MCM9: variants seen among roughly 807,000 people sequenced by gnomAD.
MCM9 encodes the protein DNA helicase MCM9.
In MCM9, 55 loss-of-function variants were observed where a neutral mutation model predicts 72.8. The ratio of observed to expected loss-of-function variants is 0.76; its 90% CI spans 0.61 to 0.95. The LOEUF (loss-of-function observed/expected upper bound fraction) is 0.95, where lower values mean the gene tolerates loss of function less well. Ranked by LOEUF, MCM9 falls within the 40% of genes least tolerant of loss-of-function variation. MCM9 has a pLI of 0.00. For missense variants in MCM9, 1,279 were observed against 1,377.0 expected, an observed-to-expected ratio of 0.93 and a Z score of 1.13; for synonymous variants, 480 against 503.4, an observed-to-expected ratio of 0.95 and a Z score of 0.62.
At chr6:118,903,086 A>C (rs566755265) in intron 8 of MCM9, among the ~76,000 whole-genome samples, 1 of 152,242 alleles carries the variant, frequency 6.6e-6, no homozygotes, top group African/African-American at 2.4e-5. Context: ...AATGCTTTTT[A>C]AAAGATGTTT....
At chr6:118,913,826 C>G (rs1780733968) in intron 6 of MCM9, among the ~76,000 whole-genome samples, 1 of 152,072 alleles carries the variant, frequency 6.6e-6, no homozygotes, top group South Asian at 2.1e-4. Context: ...TGGTCTCACT[C>G]CTGGGCTCAA....
intron 8 of MCM9, among the ~76,000 whole-genome samples, chr6:118,870,625 A>G (rs1777540356): frequency 6.6e-6 from 1 of 152,170 alleles, no homozygotes; most frequent in African/African-American, 2.4e-5. Flanking sequence ...AAGGAAGAGA[A>G]TAACAAATAT....
chr6:118,841,603 A>T (rs1183520403), intron 9 of MCM9, among the ~76,000 whole-genome samples: 1 of 152,222 alleles, frequency 6.6e-6, no homozygotes, highest in Non-Finnish European at 1.5e-5. Context: ...GTAGGCTTGC[A>T]CCAGAAAACT....
At chr6:118,918,009 T>C (rs1245756447) in intron 5 of MCM9, 3 of 511,466 alleles carry the variant, frequency 5.9e-6, no homozygotes, top group Non-Finnish European at 1.0e-5. Context: ...ACCTGCTACA[T>C]GATAATCCTA....
chr6:118,931,620 T>C lies in MCM9; in HGVS notation c.104A>G (p.Asp35Gly), dbSNP rs775655643. ...ATTAACCACAACTGGGTAATGAGCA[T>C]CTTCATCCCTTTCCTTCAAGATTAG... The part of the protein sequence containing the change: ...ILLILKERDE[D>G]AHYPVVVNAM... The change falls in exon 3 of 14, where the codon GAT becomes GGT. Residue 35 changes from aspartate to glycine, a missense_variant. Asp to Gly is a moderately conservative substitution (Grantham distance 94). Coordinates refer to ENST00000619706, the MANE Select transcript of MCM9 (RefSeq NM_017696.3). 6.2e-6 allele frequency: 10 copies of C among 1,614,056 alleles called. No homozygotes were observed. The South Asian group carries it at 1.1e-4, about 18-fold the overall frequency.
At chr6:118,923,755 C>T in intron 4 of MCM9, 56 bp downstream of exon 4, 1 of 1,461,220 alleles carries the variant, frequency 6.8e-7, no homozygotes, top group Non-Finnish European at 9.4e-7. Flanking sequence ...CCCAATGTGC[C>T]CATAGCTGAA....
chr6:118,931,828 G>T (rs563773047), intron 2 of MCM9, 90 bp from the exon 3 acceptor site: 3 of 960,856 alleles, frequency 3.1e-6, no homozygotes, highest in South Asian at 3.6e-5. Context: ...AATCACACTG[G>T]CTTTGGGTCA....
chr6:118,926,805 C>T (rs1352293721), intron 3 of MCM9, among the ~76,000 whole-genome samples: 2 of 152,156 alleles, frequency 1.3e-5, no homozygotes, highest in East Asian at 3.8e-4. Context: ...AGGAGTAGAA[C>T]TGCTGGGTCA....
chr6:118,923,768 A>T, intron 4 of MCM9, 43 bp downstream of exon 4: 28 of 1,534,070 alleles, frequency 1.8e-5, no homozygotes, highest in Non-Finnish European at 2.2e-5. Context: ...TAGCTGAAAA[A>T]CACTTCTTCA....
intron 9 of MCM9, among the ~76,000 whole-genome samples, chr6:118,855,094 A>C (rs1472324008): frequency 6.6e-6 from 1 of 152,186 alleles, no homozygotes; most frequent in Non-Finnish European, 1.5e-5. Flanking sequence ...CTTTTGGTGC[A>C]ATAACTGAAC....
chr6:118,883,609 A>C (rs1022505727), intron 8 of MCM9, among the ~76,000 whole-genome samples: 3 of 152,148 alleles, frequency 2.0e-5, no homozygotes, highest in African/African-American at 4.8e-5. Flanking sequence ...TTCATTTAAA[A>C]GGGAGCCACA....
At chr6:118,869,599 C>CAAAA in intron 8 of MCM9, among the ~76,000 whole-genome samples, 16 of 58,274 alleles carry the variant, frequency 2.7e-4, no homozygotes, top group South Asian at 9.5e-4. Flanking sequence ...AAAGGATTTA[C>CAAAA]AAAAAAAAAA....
intron 13 of MCM9, 42 bp from the exon 14 acceptor site, chr6:118,816,336 G>C: frequency 1.4e-6 from 2 of 1,450,542 alleles, no homozygotes; most frequent in Non-Finnish European, 1.8e-6. Flanking sequence ...TTGAAGGGAA[G>C]AGAATTTGTG....
intron 13 of MCM9, among the ~76,000 whole-genome samples, chr6:118,822,508 C>A (rs1465279940): frequency 6.6e-6 from 1 of 152,160 alleles, no homozygotes; most frequent in East Asian, 1.9e-4. Flanking sequence ...CCCAGAGGGG[C>A]ACCAGCCTGA....
At chr6:118,860,668 A>G (rs1776844262) in intron 8 of MCM9, among the ~76,000 whole-genome samples, 1 of 152,154 alleles carries the variant, frequency 6.6e-6, no homozygotes, top group Non-Finnish European at 1.5e-5. Context: ...TTCCATTCAA[A>G]CTTCAGAAAA....
chr6:118,856,666 C>CTCCTGTGTTCAAGAA, intron 8 of MCM9, 121 bp from the exon 9 acceptor site: 2 of 1,068,738 alleles, frequency 1.9e-6, no homozygotes, highest in Non-Finnish European at 2.6e-6. Flanking sequence ...ATTTCTTGAA[C>CTCCTGTGTTCAAGAA]ACAGGAGTTC....
At chr6:118,904,588 C>T (rs1057243263) in intron 8 of MCM9, among the ~76,000 whole-genome samples, 4 of 152,194 alleles carry the variant, frequency 2.6e-5, no homozygotes, top group African/African-American at 7.2e-5. Flanking sequence ...CCCTGCCCTT[C>T]GCTCATGCTC....
chr6:118,911,331 G>T (rs1322234497), intron 8 of MCM9: 12 of 1,053,198 alleles, frequency 1.1e-5, no homozygotes, highest in Non-Finnish European at 1.4e-5. Flanking sequence ...CCCCTCTTTA[G>T]TTTAACATTC....
At chr6:118,841,522 C>A (rs1336717167) in intron 9 of MCM9, among the ~76,000 whole-genome samples, 2 of 152,184 alleles carry the variant, frequency 1.3e-5, no homozygotes. Flanking sequence ...CTAAGCCAGG[C>A]AGATCAACAA....
Sources: gnomAD v4.1 joint callset for allele counts (sites outside exome capture counted in the v4.1 genomes callset) on GRCh38, gnomAD v4.1.1 for gene constraint, MANE v1.5 for transcripts, NCBI Gene and HGNC (gene_info 2026-07-23, HGNC 2026-07-21) for gene names.